The following EPHA3 variants were observed in gnomAD, a reference collection of about 807,000 sequenced individuals.
EPHA3 encodes the protein EPH receptor A3, also known as ephrin type-A receptor 3.
Under a neutral mutation model 107.1 loss-of-function variants are expected in EPHA3, and 42 were observed. That is an observed-to-expected ratio of 0.39 (90% CI 0.31 to 0.51). EPHA3 has a LOEUF of 0.51. Among genes scored for constraint, EPHA3 ranks in the 20% least tolerant of loss-of-function variants. The probability of loss-of-function intolerance (pLI) is 0.78; values close to 1 mark genes in which losing one functional copy is unlikely to be tolerated. For synonymous variants in EPHA3, 461 were observed against 424.8 expected, an observed-to-expected ratio of 1.09 and a Z score of -1.05; for missense variants, 1,183 against 1,211.2, an observed-to-expected ratio of 0.98 and a Z score of 0.35.
At chr3:89,234,642 T>G (rs1239996913) in intron 3 of EPHA3, among the ~76,000 whole-genome samples, 1 of 152,112 alleles carries the variant, frequency 6.6e-6, no homozygotes, top group Non-Finnish European at 1.5e-5. Flanking sequence ...CATGCTACAG[T>G]GTTTGGAGGG....
intron 2 of EPHA3, among the ~76,000 whole-genome samples, chr3:89,175,544 A>G (rs1362205635): frequency 1.3e-5 from 2 of 152,144 alleles, no homozygotes; most frequent in Admixed American, 1.3e-4. Flanking sequence ...AACCTTGTTG[A>G]GTTATTAACT....
chr3:89,112,240 A>C (rs1707127156), intron 1 of EPHA3, among the ~76,000 whole-genome samples: 1 of 152,096 alleles, frequency 6.6e-6, no homozygotes, highest in African/African-American at 2.4e-5. Flanking sequence ...ATCAGATCTT[A>C]GAGAGTTATT....
chr3:89,203,108 C>T (rs1177579683), intron 2 of EPHA3, among the ~76,000 whole-genome samples: 1 of 152,000 alleles, frequency 6.6e-6, no homozygotes, highest in Non-Finnish European at 1.5e-5. Flanking sequence ...TCAGAATTCA[C>T]GGAAGCTGAT....
intron 3 of EPHA3, among the ~76,000 whole-genome samples, chr3:89,219,688 G>GTGTTTTTTTTTGTTTTTTTTGT: frequency 2.9e-5 from 1 of 34,442 alleles, no homozygotes; most frequent in South Asian, 1.2e-3. Flanking sequence ...ATTTGGCAAT[G>GTGTTTTTTTTTGTTTTTTTTGT]TTTTTTTTTT....
At chr3:89,142,599 T>C (rs1399273404) in intron 2 of EPHA3, among the ~76,000 whole-genome samples, 4 of 151,558 alleles carry the variant, frequency 2.6e-5, no homozygotes, top group Non-Finnish European at 4.4e-5. Context: ...CTGTTACTTA[T>C]ATTAACGTGC....
intron 3 of EPHA3, among the ~76,000 whole-genome samples, chr3:89,255,067 TA>T (rs1010268525): frequency 2.6e-5 from 4 of 152,156 alleles, no homozygotes; most frequent in African/African-American, 9.6e-5. Flanking sequence ...CTTCCTTTCA[TA>T]AAAAAAGTTT....
intron 3 of EPHA3, among the ~76,000 whole-genome samples, chr3:89,281,076 C>A (rs761471399): frequency 6.6e-6 from 1 of 151,316 alleles, no homozygotes; most frequent in Non-Finnish European, 1.5e-5. Context: ...CAGGCTGGAG[C>A]GCAGTGGTGC....
intron 5 of EPHA3, among the ~76,000 whole-genome samples, chr3:89,383,903 C>A (rs1337372638): frequency 2.0e-5 from 3 of 151,906 alleles, no homozygotes; most frequent in African/African-American, 4.8e-5. Context: ...CCACCTCGGC[C>A]CCCCAAAGTG....
At chr3:89,263,675 T>A (rs538009853) in intron 3 of EPHA3, among the ~76,000 whole-genome samples, 1 of 152,176 alleles carries the variant, frequency 6.6e-6, no homozygotes, top group South Asian at 2.1e-4. Context: ...AATGTCCAGT[T>A]GCTTCTCTCT....
At chr3:89,251,159 A>G (rs1576265175) in intron 3 of EPHA3, among the ~76,000 whole-genome samples, 1 of 152,130 alleles carries the variant, frequency 6.6e-6, no homozygotes, top group Non-Finnish European at 1.5e-5. Flanking sequence ...TCTTCTGGAG[A>G]TACTTTTATC....
At chr3:89,369,615 AT>A (rs578220689) in intron 5 of EPHA3, among the ~76,000 whole-genome samples, 4 of 149,858 alleles carry the variant, frequency 2.7e-5, no homozygotes, top group Non-Finnish European at 5.9e-5. Flanking sequence ...TCATGTCTAA[AT>A]CACCAAAAGC....
rs901322687 is a variant in EPHA3 at position 89,222,173 on chromosome 3, G to A, written c.814+11653G>A. On this transcript the variant is annotated intron_variant, in intron 3 of 16. Coordinates refer to ENST00000336596, the MANE Select transcript of EPHA3 (RefSeq NM_005233.6). ...CTAGTGGAGAACCAGGGCTCAGAAA[G>A]ACACTTGCTATGTGCCCAATGTGTA... Among the ~76,000 whole-genome samples the A allele has an allele frequency of 2.6e-5, 4 of 151,932 alleles. 1 individual carries two copies. The highest frequency in any genetic ancestry group is 9.7e-5 in the African/African-American group (4 of 41,386).
intron 3 of EPHA3, among the ~76,000 whole-genome samples, chr3:89,213,003 C>T (rs1031808069): frequency 5.3e-5 from 8 of 152,018 alleles, no homozygotes; most frequent in African/African-American, 1.9e-4. Flanking sequence ...CCACTCATTT[C>T]TCTGTTAATT....
intron 3 of EPHA3, among the ~76,000 whole-genome samples, chr3:89,258,076 T>C (rs1190898192): frequency 1.3e-5 from 2 of 152,234 alleles, no homozygotes; most frequent in African/African-American, 4.8e-5. Flanking sequence ...TGCCTCATGC[T>C]ATGATGCAGT....
chr3:89,457,617 G>T (rs776458350), intron 15 of EPHA3, among the ~76,000 whole-genome samples: 1 of 152,132 alleles, frequency 6.6e-6, no homozygotes, highest in African/African-American at 2.4e-5. Context: ...GTTGGGGACC[G>T]CTGCGATAGA....
rs1706225413 is a variant in EPHA3, at chr3:89,209,881, G to A, written c.175G>A (p.Asp59Asn). ...SHGWEEISGV[D>N]EHYTPIRTYQ... ...TCAGTGGGAAGAGATCAGTGGTGTG[G>A]ATGAACATTACACACCCATCAGGAC... The change falls in exon 3 of 17, where the codon GAT becomes AAT. Residue 59 changes from aspartate to asparagine, a missense_variant. By Grantham distance (23) the Asp-to-Asn change is conservative. Transcript: ENST00000336596. 1.2e-6 allele frequency: 2 copies of A among 1,606,634 alleles called. No homozygotes were observed. Among genetic ancestry groups the A allele is most frequent in the Non-Finnish European group, 1.7e-6 (2 of 1,176,028 alleles).
At chr3:89,358,495 T>A (rs1708015160) in intron 5 of EPHA3, among the ~76,000 whole-genome samples, 1 of 151,098 alleles carries the variant, frequency 6.6e-6, no homozygotes, top group South Asian at 2.1e-4. Context: ...GATAAAATGA[T>A]GATTAAGATG....
intron 1 of EPHA3, among the ~76,000 whole-genome samples, chr3:89,116,525 C>G (rs746255235): frequency 3.3e-5 from 5 of 152,046 alleles, no homozygotes; most frequent in Non-Finnish European, 7.4e-5. Context: ...GTAGCTAAAA[C>G]AGGCTTTTGA....
At chr3:89,334,914 A>G (rs889258507) in intron 3 of EPHA3, among the ~76,000 whole-genome samples, 11 of 152,294 alleles carry the variant, frequency 7.2e-5, no homozygotes, top group South Asian at 6.2e-4. Flanking sequence ...GACAACTTGA[A>G]GTATTGGGAT....
Sources: allele counts gnomAD v4.1 joint callset (sites outside exome capture counted in the v4.1 genomes callset), GRCh38; gene constraint gnomAD v4.1.1; transcripts MANE v1.5; gene names NCBI Gene and HGNC (gene_info 2026-07-23, HGNC 2026-07-21).